Variants in NBAS observed in about 807,000 individuals in gnomAD.
The protein encoded by NBAS is NBAS subunit of NRZ tethering complex, also known as NAG/BC035112 fusion.
In NBAS, 219 loss-of-function variants were observed where a neutral mutation model predicts 302.5. The ratio of observed to expected loss-of-function variants is 0.72; its 90% CI spans 0.65 to 0.81. The LOEUF is 0.81. NBAS is among the 30% of genes least tolerant of loss of function. The pLI is 0.00. For missense variants in NBAS, 2,932 were observed against 2,841.6 expected (o/e 1.03, Z -0.72); for synonymous variants, 1,118 against 1,021.6 (o/e 1.09, Z -1.80).
chr2:15,371,099 C>T (rs963020151), intron 31 of NBAS, among the ~76,000 whole-genome samples: 1 of 152,140 alleles, frequency 6.6e-6, no homozygotes, highest in African/African-American at 2.4e-5. Context: ...TTCCCCCATG[C>T]TGTTCTCATG....
At chr2:15,160,731 T>C in the NBAS span, among the ~76,000 whole-genome samples, 1 of 152,200 alleles carries the variant, frequency 6.6e-6, no homozygotes, top group South Asian at 2.1e-4. Flanking sequence ...TTTGCAAGGA[T>C]TAAATTTTGG....
the NBAS span, among the ~76,000 whole-genome samples, chr2:14,821,332 T>C: frequency 6.6e-6 from 1 of 152,146 alleles, no homozygotes; most frequent in Non-Finnish European, 1.5e-5. Context: ...GTTTACAGCA[T>C]GAAAGGCAGC....
At chr2:15,301,745 G>A (rs1254048889) in intron 40 of NBAS, among the ~76,000 whole-genome samples, 1 of 152,240 alleles carries the variant, frequency 6.6e-6, no homozygotes, top group Non-Finnish European at 1.5e-5. Flanking sequence ...CATGGGGGAG[G>A]ACCCAATCCA....
Position 15,330,685 on chromosome 2 carries a change from G to A in NBAS, c.4260C>T (p.Asn1420=), listed in dbSNP as rs766788280. 1 of 1,614,128 alleles carries A rather than the reference G, an allele frequency of 6.2e-7. No individual in the cohort carries two copies. Among genetic ancestry groups the A allele is most frequent in the Non-Finnish European group, 8.5e-7 (1 of 1,179,984 alleles). Residue 1420 remains asparagine (N), a synonymous_variant, in exon 36 of 52, where the codon AAC becomes AAT. Transcript: ENST00000281513. ...TTATTMKVLS[N]TTTTTKAVLQ... ...GCACCGCTTTGGTGGTGGTTGTGGT[G>A]TTGGAAAGGACTTTCATGGTGGTAG...
At chr2:15,368,580 T>C (rs1395031432) in intron 31 of NBAS, among the ~76,000 whole-genome samples, 1 of 152,172 alleles carries the variant, frequency 6.6e-6, no homozygotes, top group Non-Finnish European at 1.5e-5. Flanking sequence ...ATAAAGTAAA[T>C]ATACTTACTC....
intron 35 of NBAS, among the ~76,000 whole-genome samples, chr2:15,345,114 C>T (rs184769408): frequency 1.3e-5 from 2 of 152,272 alleles, no homozygotes; most frequent in East Asian, 3.9e-4. Flanking sequence ...AGGATGCCCT[C>T]TCTCACCGCT....
At chr2:14,825,457 T>G in the NBAS span, among the ~76,000 whole-genome samples, 1 of 152,200 alleles carries the variant, frequency 6.6e-6, no homozygotes, top group Non-Finnish European at 1.5e-5. Flanking sequence ...AGAAGGGAGC[T>G]GACTCCCTGT....
At position 15,516,300 on chromosome 2, in the gene NBAS, G is replaced by C. The variant is rs553985137; in HGVS notation, c.747-4950C>G. Among the ~76,000 whole-genome samples, 8 of 152,250 alleles carry C rather than the reference G, an allele frequency of 5.3e-5. No homozygotes were observed. In the East Asian group the frequency reaches 1.5e-3, roughly 29 times the overall value. On this transcript the variant is annotated intron_variant, in intron 9 of 51. Coordinates refer to ENST00000281513, the MANE Select transcript of NBAS (RefSeq NM_015909.4). ...ATTCCCATAAGAAAATAAGTTCTAA[G>C]AAGAGCCAACTCAGTTCATGCTCAT...
At position 15,185,799 on chromosome 2, in the gene NBAS, T is replaced by C. The variant is rs186920377; in HGVS notation, c.6711+943A>G. On this transcript the variant is annotated intron_variant, in intron 50 of 51. Coordinates refer to ENST00000281513, the MANE Select transcript of NBAS (RefSeq NM_015909.4). ...AAATCAATAAAAAAAATCCAAGCCC[T>C]CATTCAGAAAACAATTCATTAAATG... Among the ~76,000 whole-genome samples, 7 of 152,254 alleles carry C rather than the reference T, an allele frequency of 4.6e-5. No individual in the cohort carries two copies. The East Asian group carries it at 1.4e-3, about 29-fold the overall frequency.
chr2:15,287,985 A>ATGGGCATCCCGAGCACCCAGCG (rs1328787550), intron 41 of NBAS, among the ~76,000 whole-genome samples: 4 of 150,228 alleles, frequency 2.7e-5, no homozygotes, highest in Non-Finnish European at 5.9e-5. Flanking sequence ...GCAGCCCCGC[A>ATGGGCATCCCGAGCACCCAGCG]TGGGCATCCC....
chr2:15,381,200 GAAC>G (rs1675019239), intron 29 of NBAS, among the ~76,000 whole-genome samples: 1 of 152,036 alleles, frequency 6.6e-6, no homozygotes, highest in Non-Finnish European at 1.5e-5. Context: ...TTGCTAAAAT[GAAC>G]AACATAGATT....
chr2:15,148,383 G>A, the NBAS span, among the ~76,000 whole-genome samples: 1 of 152,116 alleles, frequency 6.6e-6, no homozygotes, highest in Non-Finnish European at 1.5e-5. Context: ...TGAGGGGCAG[G>A]CAATGAGCAG....
intron 47 of NBAS, among the ~76,000 whole-genome samples, chr2:15,226,959 G>C (rs1451942389): frequency 6.6e-6 from 1 of 152,158 alleles, no homozygotes; most frequent in African/African-American, 2.4e-5. Context: ...TTGAATAAAA[G>C]TGGTGAAAAT....
the NBAS span, among the ~76,000 whole-genome samples, chr2:15,098,362 GTATATAA>G: frequency 1.0e-3 from 4 of 3,954 alleles, no homozygotes; most frequent in African/African-American, 1.8e-3. Flanking sequence ...ATGATATATT[GTATATAA>G]TATATTATAT....
chr2:15,286,469 G>C (rs1471252830), intron 42 of NBAS, among the ~76,000 whole-genome samples: 1 of 152,096 alleles, frequency 6.6e-6, no homozygotes, highest in African/African-American at 2.4e-5. Context: ...GTACAGCCTG[G>C]CTCCTATGCC....
intron 47 of NBAS, among the ~76,000 whole-genome samples, chr2:15,221,679 G>A (rs1021253580): frequency 1.3e-5 from 2 of 152,206 alleles, no homozygotes; most frequent in African/African-American, 4.8e-5. Flanking sequence ...TAATTAGAAT[G>A]TATATAAATG....
Position 15,233,690 on chromosome 2 carries a change from G to T in NBAS, c.6146+855C>A, listed in dbSNP as rs1667473357. ...TTTGTTCTTTTTTAGAAAAAGTTAT[G>T]AAATTCTATATATCTCCCTATATAT... On this transcript the variant is annotated intron_variant, in intron 46 of 51. Coordinates refer to ENST00000281513, the MANE Select transcript of NBAS (RefSeq NM_015909.4). 1.3e-5 allele frequency among the ~76,000 whole-genome samples: 2 copies of T among 152,068 alleles called. 1 individual carries two copies. Among genetic ancestry groups the T allele is most frequent in the South Asian group, 4.2e-4 (2 of 4,816 alleles).
chr2:14,941,451 T>C, the NBAS span, among the ~76,000 whole-genome samples: 1 of 152,190 alleles, frequency 6.6e-6, no homozygotes, highest in Non-Finnish European at 1.5e-5. Context: ...ATTGCTGACC[T>C]CATCTAAGTG....
chr2:15,214,981 A>G (rs1407869695), intron 48 of NBAS, among the ~76,000 whole-genome samples: 1 of 152,194 alleles, frequency 6.6e-6, no homozygotes, highest in Admixed American at 6.5e-5. Flanking sequence ...TAAAAATGGG[A>G]AAAAAGTTTG....
Sources: gnomAD v4.1 joint callset for allele counts (sites outside exome capture counted in the v4.1 genomes callset) on GRCh38, gnomAD v4.1.1 for gene constraint, MANE v1.5 for transcripts, NCBI Gene and HGNC (gene_info 2026-07-23, HGNC 2026-07-21) for gene names.